The following MAP4K4 variants were observed in gnomAD, a reference collection of about 807,000 sequenced individuals.
MAP4K4 encodes HPK/GCK-like kinase HGK.
MAP4K4 carries 38 observed loss-of-function variants against 189.6 expected under a neutral mutation model. The ratio of observed to expected loss-of-function variants is 0.20; its 90% CI spans 0.15 to 0.26. The LOEUF is 0.26. MAP4K4 is among the 10% of genes least tolerant of loss of function. The pLI, the probability that MAP4K4 is intolerant of heterozygous loss-of-function variation, is 1.00. For missense variants in MAP4K4, 1,054 were observed against 1,726.9 expected (o/e 0.61, Z 6.91); for synonymous variants, 610 against 624.3 (o/e 0.98, Z 0.34).
At position 101,787,590 on chromosome 2, in the gene MAP4K4, T is replaced by C. The variant is rs529130029; in HGVS notation, c.124-3130T>C. On this transcript the variant is annotated intron_variant, in intron 2 of 32. Coordinates refer to ENST00000324219, the Ensembl canonical transcript of MAP4K4. ...ATATTCCCTCTTGGGTGGTATTGAA[T>C]AAATCACAGGCAAACTTTTGTCCTT... Among the ~76,000 whole-genome samples the C allele has an allele frequency of 8.9e-4, 136 of 152,254 alleles. 1 individual carries two copies. The South Asian group carries it at 0.017, about 19-fold the overall frequency.
exon 1 of MAP4K4, chr2:101,698,048 T>G: frequency 7.6e-7 from 1 of 1,308,728 alleles, no homozygotes; most frequent in Non-Finnish European, 1.0e-6. Context: ...GAGACATTTA[T>G]TGTTATTTGT....
intron 3 of MAP4K4, among the ~76,000 whole-genome samples, chr2:101,795,888 G>A (rs142373496): frequency 6.6e-6 from 1 of 152,164 alleles, no homozygotes; most frequent in Admixed American, 6.5e-5. Context: ...AAAGTTCACA[G>A]TATTATAATA....
At chr2:101,820,860 T>C (rs1381239915) in intron 3 of MAP4K4, among the ~76,000 whole-genome samples, 1 of 152,212 alleles carries the variant, frequency 6.6e-6, no homozygotes, top group Non-Finnish European at 1.5e-5. Flanking sequence ...CTCGTTACAC[T>C]GTGCATGTTG....
chr2:101,890,580 T>G (rs960179769), intron 32 of MAP4K4, among the ~76,000 whole-genome samples: 11 of 152,016 alleles, frequency 7.2e-5, no homozygotes, highest in Non-Finnish European at 1.5e-4. Flanking sequence ...CTCAGCCTCC[T>G]GAGTAGCTGG....
intron 13 of MAP4K4, 147 bp downstream of exon 13, chr2:101,856,285 G>A (rs138316873): frequency 9.2e-4 from 643 of 700,208 alleles, no homozygotes; most frequent in South Asian, 1.2e-3. Flanking sequence ...ATGTATGAAC[G>A]TGGTGAAACA....
intron 2 of MAP4K4, among the ~76,000 whole-genome samples, chr2:101,719,868 C>T (rs546621238): frequency 1.2e-3 from 188 of 151,882 alleles, no homozygotes; most frequent in African/African-American, 4.3e-3. Context: ...AAAAATTAGC[C>T]GGGCGTGGTG....
chr2:101,767,339 C>T (rs1257761325), intron 2 of MAP4K4, among the ~76,000 whole-genome samples: 3 of 152,026 alleles, frequency 2.0e-5, no homozygotes, highest in Non-Finnish European at 4.4e-5. Flanking sequence ...GTGGAGAGGC[C>T]CTATGATTTA....
At chr2:101,815,754 A>G (rs1394888752) in intron 3 of MAP4K4, among the ~76,000 whole-genome samples, 3 of 152,174 alleles carry the variant, frequency 2.0e-5, no homozygotes, top group Non-Finnish European at 4.4e-5. Flanking sequence ...TGGCCCCACT[A>G]TCGAGGCCAG....
intron 3 of MAP4K4, among the ~76,000 whole-genome samples, chr2:101,817,513 T>C (rs755739750): frequency 3.3e-5 from 5 of 152,184 alleles, no homozygotes; most frequent in Admixed American, 6.5e-5. Flanking sequence ...TCCAGGTGAA[T>C]GGTGTCATTG....
intron 2 of MAP4K4, among the ~76,000 whole-genome samples, chr2:101,752,549 T>G (rs1052646117): frequency 6.6e-6 from 1 of 152,178 alleles, no homozygotes; most frequent in Non-Finnish European, 1.5e-5. Context: ...GTACCAGAAG[T>G]CACATAGTAC....
At chr2:101,823,455 A>G (rs1388779297) in intron 3 of MAP4K4, among the ~76,000 whole-genome samples, 1 of 152,212 alleles carries the variant, frequency 6.6e-6, no homozygotes, top group Non-Finnish European at 1.5e-5. Context: ...GCTTCACTAG[A>G]GGGTGCTGTC....
At chr2:101,798,315 G>A (rs2094015077) in intron 3 of MAP4K4, among the ~76,000 whole-genome samples, 2 of 152,042 alleles carry the variant, frequency 1.3e-5, no homozygotes, top group Non-Finnish European at 2.9e-5. Context: ...ACACTTAAAA[G>A]TAGTAAATTT....
chr2:101,857,495 C>T (rs1349000682), intron 13 of MAP4K4, among the ~76,000 whole-genome samples: 2 of 152,072 alleles, frequency 1.3e-5, no homozygotes, highest in East Asian at 3.8e-4. Context: ...CTTGATCTTT[C>T]GAGTTAAGAT....
chr2:101,773,089 T>C (rs1159108374), intron 2 of MAP4K4, among the ~76,000 whole-genome samples: 3 of 152,226 alleles, frequency 2.0e-5, no homozygotes, highest in Admixed American at 6.5e-5. Flanking sequence ...TGTGCCCTAG[T>C]TGACCCTCGG....
At chr2:101,734,913 A>G (rs1258756293) in intron 2 of MAP4K4, among the ~76,000 whole-genome samples, 2 of 152,174 alleles carry the variant, frequency 1.3e-5, no homozygotes, top group African/African-American at 4.8e-5. Flanking sequence ...GACTCTTAGA[A>G]CAGAATATTG....
At chr2:101,788,673 T>C (rs2092216978) in intron 2 of MAP4K4, among the ~76,000 whole-genome samples, 1 of 152,176 alleles carries the variant, frequency 6.6e-6, no homozygotes, top group Admixed American at 6.5e-5. Flanking sequence ...TTTAGTTCCT[T>C]ATACTCTGTT....
At chr2:101,756,770 T>G (rs2073081791) in intron 2 of MAP4K4, among the ~76,000 whole-genome samples, 1 of 150,902 alleles carries the variant, frequency 6.6e-6, no homozygotes, top group South Asian at 2.1e-4. Context: ...TCTCAACATG[T>G]TGTCCAGGGT....
intron 3 of MAP4K4, among the ~76,000 whole-genome samples, chr2:101,817,489 C>T (rs962375647): frequency 1.3e-5 from 2 of 152,094 alleles, no homozygotes; most frequent in African/African-American, 4.8e-5. Flanking sequence ...TGAAGTCCTC[C>T]CCACCCCCAT....
At chr2:101,704,746 G>T (rs1035111212) in intron 2 of MAP4K4, among the ~76,000 whole-genome samples, 1 of 151,204 alleles carries the variant, frequency 6.6e-6, no homozygotes, top group Non-Finnish European at 1.5e-5. Flanking sequence ...TTTTAGTAGA[G>T]ATGGGGTTTC....
Sources: gnomAD v4.1 joint callset for allele counts (sites outside exome capture counted in the v4.1 genomes callset) on GRCh38, gnomAD v4.1.1 for gene constraint, MANE v1.5 for transcripts, NCBI Gene and HGNC (gene_info 2026-07-23, HGNC 2026-07-21) for gene names.